CCDC171: variants seen among roughly 807,000 people sequenced by gnomAD.
CCDC171 encodes the protein coiled-coil domain-containing protein 171.
In CCDC171, 177 loss-of-function variants were observed where a neutral mutation model predicts 168.2. The ratio of observed to expected loss-of-function variants is 1.05; its 90% CI spans 0.93 to 1.19. The LOEUF (loss-of-function observed/expected upper bound fraction) is 1.19. CCDC171 is among the 50% of genes most tolerant of loss of function. CCDC171 has a pLI of 0.00. For missense variants in CCDC171, 1,991 were observed against 1,539.0 expected, an observed-to-expected ratio of 1.29 and a Z score of -4.91; for synonymous variants, 687 against 540.8, an observed-to-expected ratio of 1.27 and a Z score of -3.75.
intron 24 of CCDC171, among the ~76,000 whole-genome samples, chr9:15,891,644 T>G (rs185979164): frequency 1.5e-3 from 225 of 152,304 alleles, no homozygotes; most frequent in Non-Finnish European, 4.6e-4. Flanking sequence ...TAATCCACAT[T>G]ATTAATGAAA....
At chr9:16,005,298 A>G (rs75652119) in intron 3 of CCDC171, among the ~76,000 whole-genome samples, 3,035 of 152,290 alleles carry the variant, frequency 0.02, 93 homozygotes, top group African/African-American at 0.068. Context: ...TGTTTTCAAG[A>G]TTCTTCCATG....
At chr9:15,825,560 A>T (rs922367806) in intron 21 of CCDC171, among the ~76,000 whole-genome samples, 7 of 152,182 alleles carry the variant, frequency 4.6e-5, no homozygotes, top group African/African-American at 1.7e-4. Context: ...TCAGAACTTG[A>T]AGTCAGTTCC....
chr9:15,898,246 C>G (rs1449215617), intron 24 of CCDC171, among the ~76,000 whole-genome samples: 1 of 152,168 alleles, frequency 6.6e-6, no homozygotes, highest in Non-Finnish European at 1.5e-5. Flanking sequence ...TACATTCTAA[C>G]TTATTTGGCA....
intron 6 of CCDC171, among the ~76,000 whole-genome samples, chr9:15,611,449 A>C (rs1053339085): frequency 6.6e-6 from 1 of 152,204 alleles, no homozygotes; most frequent in African/African-American, 2.4e-5. Flanking sequence ...GCATTGAATT[A>C]GGGAACCTTA....
intron 18 of CCDC171, among the ~76,000 whole-genome samples, chr9:15,755,860 G>A (rs564140953): frequency 6.6e-6 from 1 of 152,290 alleles, no homozygotes; most frequent in East Asian, 1.9e-4. Flanking sequence ...TGATAAAAAT[G>A]TTTTAAAATT....
chr9:15,774,901 C>G (rs919941125), intron 18 of CCDC171, among the ~76,000 whole-genome samples: 12 of 152,282 alleles, frequency 7.9e-5, no homozygotes, highest in African/African-American at 2.6e-4. Context: ...GGGAGCTAAG[C>G]TATGAGGATG....
intron 16 of CCDC171, 130 bp from the exon 17 acceptor site, chr9:15,744,143 T>C: frequency 1.4e-6 from 1 of 716,246 alleles, no homozygotes; most frequent in Non-Finnish European, 2.2e-6. Context: ...ATTTTGGATA[T>C]TTTAGCACAT....
At chr9:15,975,483 A>G (rs1831593605), downstream of CCDC171, among the ~76,000 whole-genome samples, 1 of 152,204 alleles carries the variant, frequency 6.6e-6, no homozygotes, top group Non-Finnish European at 1.5e-5. Flanking sequence ...CAAAATACAT[A>G]CATACTAGCA....
intron 3 of CCDC171, among the ~76,000 whole-genome samples, chr9:15,572,659 C>T (rs537223454): frequency 6.6e-6 from 1 of 152,190 alleles, no homozygotes; most frequent in East Asian, 1.9e-4. Flanking sequence ...TTTAATGTCT[C>T]TCTAAGTGAA....
intron 6 of CCDC171, among the ~76,000 whole-genome samples, chr9:15,594,378 T>C (rs1212603126): frequency 3.9e-5 from 6 of 152,148 alleles, no homozygotes; most frequent in Admixed American, 1.3e-4. Context: ...GTGATTTCCA[T>C]TGCATACCTT....
At chr9:15,582,148 A>G (rs2041174403) in intron 4 of CCDC171, among the ~76,000 whole-genome samples, 1 of 152,252 alleles carries the variant, frequency 6.6e-6, no homozygotes, top group African/African-American at 2.4e-5. Flanking sequence ...AAAAGAAGAC[A>G]TTTATGCAAC....
chr9:15,568,387 C>T (rs2039928378), intron 2 of CCDC171, among the ~76,000 whole-genome samples: 1 of 151,766 alleles, frequency 6.6e-6, no homozygotes, highest in Non-Finnish European at 1.5e-5. Flanking sequence ...TCTCCTGCCT[C>T]AGCCTCCGGA....
intron 21 of CCDC171, among the ~76,000 whole-genome samples, chr9:15,802,713 A>T (rs2058885328): frequency 6.6e-6 from 1 of 152,148 alleles, no homozygotes; most frequent in Non-Finnish European, 1.5e-5. Flanking sequence ...TGCTGCAATG[A>T]ACATATGCAT....
intron 7 of CCDC171, among the ~76,000 whole-genome samples, chr9:15,632,285 C>A (rs1239012908): frequency 1.3e-5 from 2 of 151,138 alleles, no homozygotes; most frequent in East Asian, 1.9e-4. Context: ...TCGTCTCAGC[C>A]CAAAATCTCC....
In CCDC171 at chr9:15,777,829, A is replaced by G; in HGVS notation, c.2898+3A>G. The stretch of plus-strand genomic sequence containing the variant: ...TGCGTGGCCATGTGCCCATTACGGT[A>G]TGTATACACTTTCATTTAGTAGTAA... On this transcript the variant is annotated splice_donor_region_variant and intron_variant, in intron 19 of 25. Coordinates refer to ENST00000380701, the MANE Select transcript of CCDC171 (RefSeq NM_173550.4). 6.3e-7 allele frequency: 1 copy of G among 1,578,916 alleles called. No individual in the cohort carries two copies. The highest frequency in any genetic ancestry group is 8.6e-7 in the Non-Finnish European group (1 of 1,164,106).
intron 16 of CCDC171, among the ~76,000 whole-genome samples, chr9:15,732,001 A>C (rs929280802): frequency 6.6e-6 from 1 of 152,048 alleles, no homozygotes; most frequent in African/African-American, 2.4e-5. Context: ...TCATTTGTAA[A>C]GTATCTCTTC....
intron 21 of CCDC171, among the ~76,000 whole-genome samples, chr9:15,844,869 T>A (rs901907752): frequency 2.0e-5 from 3 of 152,050 alleles, no homozygotes; most frequent in African/African-American, 4.8e-5. Context: ...TTCCCTGAGA[T>A]TGGATCAGGA....
At position 15,724,840 on chromosome 9, in the gene CCDC171, A is replaced by T. The variant is rs112017921; in HGVS notation, c.1556A>T (p.Asp519Val). ...AGTCATTTACACACTAAATGTGCAG[A>T]CCGAGAGGCTTTAATAAGCACTTTA... ...ELSHLHTKCA[D>V]REALISTLKV... Residue 519 changes from aspartate to valine, a missense_variant, in exon 14 of 26, where the codon GAC becomes GTC. Coordinates refer to ENST00000380701, the MANE Select transcript of CCDC171 (RefSeq NM_173550.4). The T allele has an allele frequency of 6.2e-7, 1 of 1,613,878 alleles. No individual in the cohort carries two copies. The highest frequency in any genetic ancestry group is 8.5e-7 in the Non-Finnish European group (1 of 1,179,796).
intron 4 of CCDC171, among the ~76,000 whole-genome samples, chr9:15,591,087 A>G (rs2041978453): frequency 6.6e-6 from 1 of 152,054 alleles, no homozygotes; most frequent in African/African-American, 2.4e-5. Context: ...AAACTTGGAT[A>G]TGCCTTCAGA....
Sources: gnomAD v4.1 joint callset for allele counts (sites outside exome capture counted in the v4.1 genomes callset) on GRCh38, gnomAD v4.1.1 for gene constraint, MANE v1.5 for transcripts, NCBI Gene and HGNC (gene_info 2026-07-23, HGNC 2026-07-21) for gene names.